Variants in PCDHGA6 observed in about 807,000 individuals in gnomAD.
PCDHGA6 encodes protocadherin gamma subfamily A, 6.
Under a neutral mutation model 60.6 loss-of-function variants are expected in PCDHGA6, and 41 were observed. The ratio of observed to expected loss-of-function variants is 0.68; its 90% CI spans 0.53 to 0.88. PCDHGA6 has a LOEUF of 0.88. Ranked by LOEUF, PCDHGA6 falls within the 40% of genes least tolerant of loss-of-function variation. The pLI, the probability that PCDHGA6 is intolerant of heterozygous loss-of-function variation, is 0.00. For missense variants in PCDHGA6, 1,312 were observed against 1,203.0 expected, an observed-to-expected ratio of 1.09 and a Z score of -1.34; for synonymous variants, 594 against 524.4, an observed-to-expected ratio of 1.13 and a Z score of -1.81.
intron 1 of PCDHGA6, chr5:141,430,865 C>G: frequency 6.3e-7 from 1 of 1,595,350 alleles, no homozygotes; most frequent in Non-Finnish European, 8.5e-7. Flanking sequence ...CTATTCAGTT[C>G]CGGAAGAGCT....
chr5:141,467,295 C>T (rs2099141170), intron 1 of PCDHGA6, among the ~76,000 whole-genome samples: 1 of 152,114 alleles, frequency 6.6e-6, no homozygotes, highest in South Asian at 2.1e-4. Flanking sequence ...TCAAGTGATC[C>T]ACTCACCTCG....
intron 1 of PCDHGA6, chr5:141,393,007 G>C: frequency 6.2e-7 from 1 of 1,613,850 alleles, no homozygotes; most frequent in Non-Finnish European, 8.5e-7. Context: ...CACGGAGTCC[G>C]TATCGTCTCC....
chr5:141,419,121 C>T, intron 1 of PCDHGA6: 5 of 1,613,882 alleles, frequency 3.1e-6, no homozygotes, highest in Non-Finnish European at 3.4e-6. Flanking sequence ...TACAACGTCA[C>T]CATCGCAGCC....
chr5:141,417,963 A>C (rs1260025037), intron 1 of PCDHGA6: 1 of 1,613,258 alleles, frequency 6.2e-7, no homozygotes, highest in Non-Finnish European at 8.5e-7. Flanking sequence ...CCGATCCGCT[A>C]CTCGATTCCG....
intron 1 of PCDHGA6, chr5:141,384,766 A>T (rs1277766667): frequency 6.2e-7 from 1 of 1,613,916 alleles, no homozygotes; most frequent in South Asian, 1.1e-5. Context: ...TGGGCTGTAC[A>T]CGGGCGAGGT....
At chr5:141,445,895 A>C (rs930350527) in intron 1 of PCDHGA6, among the ~76,000 whole-genome samples, 1 of 152,212 alleles carries the variant, frequency 6.6e-6, no homozygotes, top group Admixed American at 6.5e-5. Context: ...GGAGCTATTA[A>C]AATATTTTAA....
At position 141,476,242 on chromosome 5, in the gene PCDHGA6, G is replaced by A. The variant is rs369923405; in HGVS notation, c.2425-18565G>A. The A allele has an allele frequency of 6.2e-6, 10 of 1,614,100 alleles. No individual in the cohort carries two copies. The highest frequency in any genetic ancestry group is 8.5e-6 in the Non-Finnish European group (10 of 1,180,026). The stretch of plus-strand genomic sequence containing the variant: ...ACTATGAGATCCCGGAGGAAAGAGA[G>A]AAGGGTTTCGCTGTGGGCAACGTGG... On this transcript the variant is annotated intron_variant, in intron 1 of 3. Transcript: ENST00000517434. This position sits in a 1 kb window ranked among gnomAD's most constrained non-coding sequence, Gnocchi z 7.6.
chr5:141,397,571 A>G (rs1205930640), intron 1 of PCDHGA6, among the ~76,000 whole-genome samples: 1 of 152,224 alleles, frequency 6.6e-6, no homozygotes, highest in East Asian at 1.9e-4. Flanking sequence ...GAGAGCAAGA[A>G]CTGTATCATA....
At chr5:141,447,520 T>C (rs1156521785) in intron 1 of PCDHGA6, among the ~76,000 whole-genome samples, 1 of 152,202 alleles carries the variant, frequency 6.6e-6, no homozygotes, top group Non-Finnish European at 1.5e-5. Context: ...ATAACAATCA[T>C]AACAAAATTG....
intron 1 of PCDHGA6, among the ~76,000 whole-genome samples, chr5:141,492,108 C>T (rs1331001233): frequency 2.6e-5 from 4 of 152,232 alleles, no homozygotes; most frequent in African/African-American, 9.6e-5. Flanking sequence ...TAGATTTCCT[C>T]TTCGATTTCT....
intron 1 of PCDHGA6, among the ~76,000 whole-genome samples, chr5:141,482,530 C>CGAAAAAAA (rs2099566141): frequency 1.3e-5 from 1 of 76,562 alleles, no homozygotes; most frequent in African/African-American, 4.8e-5. Context: ...GACAGACATG[C>CGAAAAAAA]AAAAAAAAAA....
rs201386958 is a variant in PCDHGA6 at position 141,413,172 on chromosome 5, T to G, written c.2424+36665T>G. 2.6e-4 allele frequency: 413 copies of G among 1,598,292 alleles called. 3 individuals carry two copies. In the East Asian group the frequency reaches 7.0e-3, roughly 27 times the overall value. ...ACTTTGCAGAATTCTGTAACCAGACTACAATGGCCGCTCAAAGGAATCGCT... is the reference window on the plus strand; with the variant it reads ...ACTTTGCAGAATTCTGTAACCAGACGACAATGGCCGCTCAAAGGAATCGCT... On this transcript the variant is annotated intron_variant, in intron 1 of 3. Coordinates refer to ENST00000517434, the MANE Select transcript of PCDHGA6 (RefSeq NM_018919.3).
At chr5:141,396,792 A>G (rs2093435420) in intron 1 of PCDHGA6, among the ~76,000 whole-genome samples, 1 of 152,202 alleles carries the variant, frequency 6.6e-6, no homozygotes, top group Non-Finnish European at 1.5e-5. Flanking sequence ...GACATTTCCT[A>G]AGGATTGTGT....
rs2096144450 is a variant in PCDHGA6 at position 141,417,665 on chromosome 5, T to C, written c.2424+41158T>C. On this transcript the variant is annotated intron_variant, in intron 1 of 3. Coordinates refer to ENST00000517434, the MANE Select transcript of PCDHGA6 (RefSeq NM_018919.3). ...CCTCAGCCTCTAGCCTGGGATTCCCTGCGCAGCCAACAACAGAAAAGAAAA... is the reference window on the plus strand; with the variant it reads ...CCTCAGCCTCTAGCCTGGGATTCCCCGCGCAGCCAACAACAGAAAAGAAAA... 3.3e-6 allele frequency: 3 copies of C among 915,730 alleles called. No individual in the cohort carries two copies. In the South Asian group the frequency reaches 5.8e-5, roughly 18 times the overall value. 56.7% of individuals were successfully genotyped at this position (915,730 alleles called of 1,614,324 possible).
chr5:141,417,185 A>C (rs2096092787), intron 1 of PCDHGA6: 1 of 152,216 alleles, frequency 6.6e-6, no homozygotes, highest in Admixed American at 6.5e-5. Context: ...AGGAATTATT[A>C]CTTTCTGGGT....
chr5:141,397,512 A>G (rs1043730091), intron 1 of PCDHGA6, among the ~76,000 whole-genome samples: 1 of 152,242 alleles, frequency 6.6e-6, no homozygotes, highest in Non-Finnish European at 1.5e-5. Context: ...AATTGTTTCC[A>G]TAGCTAATAA....
At chr5:141,403,120 C>G (rs2094357495) in intron 1 of PCDHGA6, 3 of 1,614,050 alleles carry the variant, frequency 1.9e-6, no homozygotes, top group South Asian at 2.2e-5. Context: ...CTCTGGAGCC[C>G]CGGGAGCTGG....
In PCDHGA6 at chr5:141,414,114, T is replaced by C. The variant is rs145910780; in HGVS notation, c.2424+37607T>C. The C allele has an allele frequency of 2.0e-5, 32 of 1,592,348 alleles. 2 individuals carry two copies. In the East Asian group the frequency reaches 6.3e-4, roughly 32 times the overall value. ...TAAAAATATCAGAAAATCTAGATTA[T>C]GAAGAAACCGGTTTCTATGAAATAG... On this transcript the variant is annotated intron_variant, in intron 1 of 3. Coordinates refer to ENST00000517434, the MANE Select transcript of PCDHGA6 (RefSeq NM_018919.3).
chr5:141,489,571 G>A lies in PCDHGA6; in HGVS notation c.2425-5236G>A, dbSNP rs1206848223. The A allele has an allele frequency of 1.9e-6, 3 of 1,613,884 alleles. No individual in the cohort carries two copies. The highest frequency in any genetic ancestry group is 2.2e-5 in the South Asian group (2 of 91,070). On this transcript the variant is annotated intron_variant, in intron 1 of 3. Transcript: ENST00000517434. The surrounding 1 kb of genome is among the most constrained non-coding windows in gnomAD (Gnocchi z 4.5). ...CCTGCTGCCAGTGCAGGTGGTGACT[G>A]AACACCCCCTGGAGCTAATCCGTGT...
Sources: allele counts gnomAD v4.1 joint callset (sites outside exome capture counted in the v4.1 genomes callset), GRCh38; gene constraint gnomAD v4.1.1; non-coding constraint Gnocchi (gnomAD v3.1); transcripts MANE v1.5; gene names NCBI Gene and HGNC (gene_info 2026-07-23, HGNC 2026-07-21).